DGKB: variants seen among roughly 807,000 people sequenced by gnomAD.
DGKB encodes the protein 90 kDa diacylglycerol kinase.
DGKB carries 67 observed loss-of-function variants against 114.3 expected under a neutral mutation model. The ratio of observed to expected loss-of-function variants is 0.59; its 90% confidence interval spans 0.48 to 0.72. DGKB has a LOEUF of 0.72. DGKB is among the 30% of genes least tolerant of loss of function. The pLI is 0.00. For synonymous variants in DGKB, 398 were observed against 323.1 expected, an observed-to-expected ratio of 1.23 and a Z score of -2.49; for missense variants, 907 against 975.2, an observed-to-expected ratio of 0.93 and a Z score of 0.93.
At chr7:14,277,417 C>A (rs764078566) in intron 23 of DGKB, among the ~76,000 whole-genome samples, 7 of 152,166 alleles carry the variant, frequency 4.6e-5, no homozygotes, top group Non-Finnish European at 7.3e-5. Context: ...AAGCCATCCA[C>A]CCACCTTGGC....
At chr7:14,309,026 G>A (rs894791343) in intron 23 of DGKB, among the ~76,000 whole-genome samples, 1 of 151,962 alleles carries the variant, frequency 6.6e-6, no homozygotes, top group East Asian at 1.9e-4. Flanking sequence ...GACCAGCCTC[G>A]GCAACATGGT....
At chr7:14,499,243 AT>A (rs1785759004) in intron 20 of DGKB, among the ~76,000 whole-genome samples, 1 of 151,708 alleles carries the variant, frequency 6.6e-6, no homozygotes, top group South Asian at 2.1e-4. Context: ...GCCCAGAAAG[AT>A]AACTAAGTTT....
chr7:14,353,333 T>C (rs1283791005), intron 21 of DGKB, among the ~76,000 whole-genome samples: 1 of 152,194 alleles, frequency 6.6e-6, no homozygotes, highest in East Asian at 1.9e-4. Context: ...AACCTAGAGC[T>C]GACTAATGGA....
intron 2 of DGKB, among the ~76,000 whole-genome samples, chr7:14,773,024 G>A (rs924711000): frequency 2.6e-5 from 4 of 152,068 alleles, no homozygotes; most frequent in African/African-American, 9.7e-5. Context: ...ATGTTGCTTT[G>A]TTAAGAGTTA....
intron 20 of DGKB, among the ~76,000 whole-genome samples, chr7:14,488,712 C>A (rs1784177437): frequency 6.6e-6 from 1 of 150,584 alleles, no homozygotes; most frequent in South Asian, 2.1e-4. Flanking sequence ...CCTGTAGTCC[C>A]AGCTACTCGG....
At chr7:14,833,302 C>A (rs13309961) in intron 2 of DGKB, among the ~76,000 whole-genome samples, 1 of 152,056 alleles carries the variant, frequency 6.6e-6, no homozygotes, top group African/African-American at 2.4e-5. Flanking sequence ...TTTGCTATCT[C>A]CAGAATTAAA....
At chr7:14,897,836 G>A (rs926132175) in intron 1 of DGKB, among the ~76,000 whole-genome samples, 19 of 151,798 alleles carry the variant, frequency 1.3e-4, no homozygotes, top group African/African-American at 4.4e-4. Context: ...GGTGGGCAGG[G>A]GGCAAAGGCA....
chr7:14,666,819 G>A (rs940689), intron 13 of DGKB, among the ~76,000 whole-genome samples: 124,060 of 151,772 alleles, frequency 0.82, 50,792 homozygotes, highest in East Asian at 0.89. Flanking sequence ...ACAGTCATGG[G>A]AAAATCTTGA....
intron 21 of DGKB, among the ~76,000 whole-genome samples, chr7:14,441,492 A>C (rs1309222601): frequency 6.6e-6 from 1 of 152,164 alleles, no homozygotes; most frequent in Non-Finnish European, 1.5e-5. Context: ...ATAAAGTCAA[A>C]AAATTTTTTA....
At chr7:14,178,008 G>C (rs767324939) in intron 24 of DGKB, 23 bp downstream of exon 24, 39 of 1,525,274 alleles carry the variant, frequency 2.6e-5, no homozygotes, top group Non-Finnish European at 3.1e-5. Context: ...AAACGCCTTT[G>C]TCAGTTACAG....
rs1554304219 is a variant in DGKB, at chr7:14,852,487, C to CAAAAAAAACAAAACAAAACAA, written c.-187-11038_-187-11037insTTGTTTTGTTTTGTTTTTTTT. The stretch of plus-strand genomic sequence containing the variant: ...GAGGAATAGCTAAAATAGTGAAAGT[C>CAAAAAAAACAAAACAAAACAA]AAAAAAAAAACAGAAATCAAGCATA... On this transcript the variant is annotated intron_variant, in intron 1 of 25. Coordinates refer to ENST00000402815, the MANE Select transcript of DGKB (RefSeq NM_001350709.2). Among the ~76,000 whole-genome samples the CAAAAAAAACAAAACAAAACAA allele has an allele frequency of 1.1e-4, 7 of 63,636 alleles. 1 individual carries two copies. Among genetic ancestry groups the CAAAAAAAACAAAACAAAACAA allele is most frequent in the Non-Finnish European group, 2.1e-4 (7 of 33,828 alleles). The allele number at this position is 63,636 out of a possible 152,430, so 41.7% of individuals were successfully genotyped here.
intron 6 of DGKB, among the ~76,000 whole-genome samples, chr7:14,715,719 G>C (rs998983943): frequency 3.3e-5 from 5 of 152,128 alleles, no homozygotes; most frequent in African/African-American, 1.2e-4. Context: ...GGGAAACTGT[G>C]ACTTCAAGCA....
intron 1 of DGKB, among the ~76,000 whole-genome samples, chr7:14,924,241 G>T (rs1192196202): frequency 1.3e-5 from 2 of 152,100 alleles, no homozygotes; most frequent in Non-Finnish European, 1.5e-5. Flanking sequence ...TCTCTGGGCA[G>T]TTTGAAGCTT....
chr7:14,314,662 T>C (rs1562913076), intron 23 of DGKB, among the ~76,000 whole-genome samples: 1 of 152,118 alleles, frequency 6.6e-6, no homozygotes, highest in Non-Finnish European at 1.5e-5. Flanking sequence ...CTGACTGGTG[T>C]ACCTGAAAGT....
At chr7:14,436,705 C>T (rs1829325497) in intron 21 of DGKB, among the ~76,000 whole-genome samples, 2 of 152,164 alleles carry the variant, frequency 1.3e-5, no homozygotes, top group East Asian at 3.9e-4. Flanking sequence ...TAGTGATTTT[C>T]CAGTGGTTCA....
chr7:14,764,760 G>T (rs1244288647), intron 2 of DGKB, among the ~76,000 whole-genome samples: 1 of 146,180 alleles, frequency 6.8e-6, no homozygotes, highest in Non-Finnish European at 1.5e-5. Flanking sequence ...TTTTAGGGAA[G>T]AAAAAAAAAA....
intron 1 of DGKB, among the ~76,000 whole-genome samples, chr7:14,901,605 A>ACACCCCC (rs1783076768): frequency 8.1e-6 from 1 of 123,094 alleles, no homozygotes. Context: ...AGGGATTTCC[A>ACACCCCC]CCCCCCCCCA....
chr7:14,845,726 T>C (rs1848542279), intron 1 of DGKB, among the ~76,000 whole-genome samples: 1 of 151,800 alleles, frequency 6.6e-6, no homozygotes, highest in Non-Finnish European at 1.5e-5. Flanking sequence ...GGCCCTGAGG[T>C]TGAGAAAGAG....
chr7:14,845,273 G>T (rs1848496090), intron 1 of DGKB, among the ~76,000 whole-genome samples: 1 of 151,990 alleles, frequency 6.6e-6, no homozygotes, highest in Non-Finnish European at 1.5e-5. Flanking sequence ...CCTGGTTATT[G>T]AATTTAAAAT....
Sources: allele counts gnomAD v4.1 joint callset (sites outside exome capture counted in the v4.1 genomes callset), GRCh38; gene constraint gnomAD v4.1.1; transcripts MANE v1.5; gene names NCBI Gene and HGNC (gene_info 2026-07-23, HGNC 2026-07-21).